Variants in SERPINA12 observed in about 807,000 individuals in gnomAD.
The protein encoded by SERPINA12 is serpin family A member 12, also known as serpin A12.
Under a neutral mutation model 25.9 loss-of-function variants are expected in SERPINA12, and 21 were observed. The observed-to-expected ratio is 0.81, with a 90% CI of 0.58 to 1.17. The LOEUF (loss-of-function observed/expected upper bound fraction) is 1.17, where lower values mean the gene tolerates loss of function less well. Ranked by LOEUF, SERPINA12 falls within the 50% of genes most tolerant of loss-of-function variation. The pLI is 0.00. For synonymous variants in SERPINA12, 220 were observed against 196.0 expected (o/e 1.12, Z -1.02); for missense variants, 562 against 508.3 (o/e 1.11, Z -1.02).
upstream of SERPINA12, chr14:94,510,399 TA>T (rs1204394709): frequency 1.1e-5 from 3 of 263,476 alleles, no homozygotes; most frequent in Non-Finnish European, 1.8e-5. Flanking sequence ...CACAATGAGA[TA>T]CCACCTTACT....
At chr14:94,489,175 G>A (rs1383628061) in intron 4 of SERPINA12, among the ~76,000 whole-genome samples, 8 of 143,718 alleles carry the variant, frequency 5.6e-5, no homozygotes, top group East Asian at 2.1e-4. Flanking sequence ...AAGAAAAAAA[G>A]AGAGAGAGAG....
At position 94,489,697 on chromosome 14, in the gene SERPINA12, T is replaced by A. The variant is rs1900074230; in HGVS notation, c.976A>T (p.Ile326Leu). 1.2e-6 allele frequency: 2 copies of A among 1,614,034 alleles called. No homozygotes were observed. Among genetic ancestry groups the A allele is most frequent in the African/African-American group, 1.3e-5 (1 of 74,932 alleles). ...TFDLKKTLSY[I>L]GVSKIFEEHG... is the part of the protein sequence containing the mutation. Reference sequence around the variant, plus strand: ...TCCTCAAAGATTTTGGAGACACCTATGTAGGAGAGAGTCTTCTTCAGGTCG... The same window carrying A: ...TCCTCAAAGATTTTGGAGACACCTAAGTAGGAGAGAGTCTTCTTCAGGTCG... Residue 326 changes from isoleucine to leucine, a missense_variant, in exon 4 of 5, where the codon ATA becomes TTA. Ile to Leu is a conservative substitution (Grantham distance 5). Coordinates refer to ENST00000677451, the MANE Select transcript of SERPINA12 (RefSeq NM_001382267.1).
chr14:94,503,662 G>T (rs903669808), intron 1 of SERPINA12, among the ~76,000 whole-genome samples: 4 of 152,362 alleles, frequency 2.6e-5, no homozygotes, highest in South Asian at 2.1e-4. Context: ...AGAGATTGTG[G>T]TTGCAGTGTG....
At position 94,487,482 on chromosome 14, in the gene SERPINA12, C is replaced by A; in HGVS notation, c.1066G>T (p.Ala356Ser). 1.9e-6 allele frequency: 3 copies of A among 1,612,164 alleles called. No individual in the cohort carries two copies. The highest frequency in any genetic ancestry group is 1.7e-4 in the Middle Eastern group (1 of 5,964). ...CCCCTCTCATCCATCTTCAGCTCAGCCTTGTGCACAGCCTACGGAAGCCAA... is the reference window on the plus strand; with the variant it reads ...CCCCTCTCATCCATCTTCAGCTCAGACTTGTGCACAGCCTACGGAAGCCAA... ...SLKVGEAVHK[A>S]ELKMDERGTE... The change falls in exon 5 of 5, where the codon GCT becomes TCT. Residue 356 changes from alanine to serine, a missense_variant. Coordinates refer to ENST00000677451, the MANE Select transcript of SERPINA12 (RefSeq NM_001382267.1).
intron 4 of SERPINA12, among the ~76,000 whole-genome samples, chr14:94,488,374 C>G (rs1045625172): frequency 1.3e-5 from 2 of 151,892 alleles, no homozygotes; most frequent in Non-Finnish European, 2.9e-5. Context: ...ATCCCCACCA[C>G]CCACTACTCC....
rs757255316 is a variant in SERPINA12 at position 94,498,386 on chromosome 14, T to A, written c.12A>T (p.Thr4=). 6 of 1,612,904 alleles carry A rather than the reference T, an allele frequency of 3.7e-6. No homozygotes were observed. Among genetic ancestry groups the A allele is most frequent in the Non-Finnish European group, 5.1e-6 (6 of 1,179,488 alleles). The part of the protein sequence containing the change: MNP[T]LGLAIFLAVL... ...CAGCCAGAAAAATGGCCAGGCCTAG[T>A]GTGGGGTTCATTTTCCTTGAAGAAT... Residue 4 remains threonine, a synonymous_variant, in exon 2 of 5, where the codon ACA becomes ACT. Coordinates refer to ENST00000677451, the MANE Select transcript of SERPINA12 (RefSeq NM_001382267.1).
rs1900423480 is a variant in SERPINA12, at chr14:94,496,445, C to A, written c.833G>T (p.Gly278Val). Reference sequence around the variant, plus strand: ...TCCCTTCTCCAAGTGCTTCAGCTTGCCCTCATCAGGAAGGATGAAGATGGC... The same window carrying A: ...TCCCTTCTCCAAGTGCTTCAGCTTGACCTCATCAGGAAGGATGAAGATGGC... ...ITAIFILPDEGKLKHLEKGLQ... is the reference protein window; with the variant it reads ...ITAIFILPDEVKLKHLEKGLQ... The change falls in exon 3 of 5, where the codon GGC (glycine) becomes GTC (valine). Residue 278 changes from glycine to valine, a missense_variant. Transcript: ENST00000677451. The A allele has an allele frequency of 6.2e-7, 1 of 1,613,974 alleles. No homozygotes were observed. Among genetic ancestry groups the A allele is most frequent in the African/African-American group, 1.3e-5 (1 of 74,912 alleles).
intron 1 of SERPINA12, among the ~76,000 whole-genome samples, chr14:94,503,604 A>G (rs1595697395): frequency 6.6e-6 from 1 of 152,308 alleles, no homozygotes; most frequent in Admixed American, 6.5e-5. Context: ...TGACTTCAGG[A>G]CTATCTGTGC....
rs144981671 is a variant in SERPINA12 at position 94,492,296 on chromosome 14, G to A, written c.906-2529C>T. Among the ~76,000 whole-genome samples, 28 of 152,252 alleles carry A rather than the reference G, an allele frequency of 1.8e-4. 1 individual carries two copies. The highest frequency in any genetic ancestry group is 6.7e-4 in the African/African-American group (28 of 41,528). On this transcript the variant is annotated intron_variant, in intron 3 of 4. Coordinates refer to ENST00000677451, the MANE Select transcript of SERPINA12 (RefSeq NM_001382267.1). ...CTGTGAACAGAGGCAACTGCTTCAT[G>A]GTATTCACCTGCAAAGGGGGAGTGA... is the stretch of plus-strand genomic sequence containing the variant.
At position 94,505,243 on chromosome 14, in the gene SERPINA12, G is replaced by T. The variant is rs1900890649; in HGVS notation, c.-34+4099C>A. 2.0e-5 allele frequency among the ~76,000 whole-genome samples: 3 copies of T among 152,176 alleles called. No individual in the cohort carries two copies. In the South Asian group the frequency reaches 6.2e-4, roughly 32 times the overall value. On this transcript the variant is annotated intron_variant, in intron 1 of 4. Coordinates refer to ENST00000677451, the MANE Select transcript of SERPINA12 (RefSeq NM_001382267.1). ...AGAGCTATTCAGAGCAGGTGACCCA[G>T]ACAAACCTTCTTGGAAAGAGGAGAC...
chr14:94,506,635 T>C lies in SERPINA12; in HGVS notation c.-34+2707A>G, dbSNP rs1900940159. ...TGACTTTGGGCTTCTGGTTCTTTAA[T>C]TGCAAAATGGGAATAACCTATTTCT... On this transcript the variant is annotated intron_variant, in intron 1 of 4. Transcript: ENST00000677451. 2.6e-5 allele frequency among the ~76,000 whole-genome samples: 4 copies of C among 152,364 alleles called. No individual in the cohort carries two copies. The South Asian group carries it at 6.2e-4, about 24-fold the overall frequency.
chr14:94,511,238 CACACACACACACACACATATATATAT>C, upstream of SERPINA12: 1 of 174,346 alleles, frequency 5.7e-6, no homozygotes, highest in Non-Finnish European at 1.1e-5. Flanking sequence ...ACCTCATGTA[CACACACACACACACACATATATATAT>C]ACACACACAC....
At chr14:94,511,073 T>TA (rs1322040701), upstream of SERPINA12, among the ~76,000 whole-genome samples, 1 of 152,138 alleles carries the variant, frequency 6.6e-6, no homozygotes, top group Non-Finnish European at 1.5e-5. Flanking sequence ...AAACCACCTG[T>TA]ACCCCAAAAA....
intron 3 of SERPINA12, 46 bp from the exon 4 acceptor site, chr14:94,489,813 T>C (rs964671291): frequency 1.9e-6 from 3 of 1,595,976 alleles, no homozygotes; most frequent in Non-Finnish European, 1.7e-6. Context: ...TCCTGTTGTG[T>C]TGCAGGGCAA....
In SERPINA12 at chr14:94,498,065, A is replaced by T; in HGVS notation, c.333T>A (p.Asp111Glu). Residue 111 changes from aspartate to glutamate, a missense_variant, in exon 2 of 5, where the codon GAT (aspartate) becomes GAA (glutamate). Asp to Glu is a conservative substitution (Grantham distance 45). Transcript: ENST00000677451. ...GFNFRKMPEK[D>E]LHEGFHYIIH... ...TGATGTAATGGAAGCCCTCATGAAG[A>T]TCTTTTTCTGGCATCTTTCTGAAGT... 1 of 1,614,094 alleles carries T rather than the reference A, an allele frequency of 6.2e-7. No homozygotes were observed. The highest frequency in any genetic ancestry group is 8.5e-7 in the Non-Finnish European group (1 of 1,180,018).
intron 1 of SERPINA12, among the ~76,000 whole-genome samples, chr14:94,499,368 C>T (rs991303554): frequency 2.0e-5 from 3 of 152,204 alleles, no homozygotes; most frequent in South Asian, 2.1e-4. Context: ...CCACTGTGAG[C>T]TTCTGGGAGA....
chr14:94,487,486 G>C lies in SERPINA12; in HGVS notation c.1062C>G (p.His354Gln), dbSNP rs146053420. ...TCTCATCCATCTTCAGCTCAGCCTT[G>C]TGCACAGCCTACGGAAGCCAAGGGC... ...HRSLKVGEAV[H>Q]KAELKMDERG... The change falls in exon 5 of 5, where the codon CAC (histidine) becomes CAG (glutamine). Residue 354 changes from histidine to glutamine, a missense_variant. Transcript: ENST00000677451. 6.4e-4 allele frequency: 1,033 copies of C among 1,611,252 alleles called. 1 individual carries two copies. The highest frequency in any genetic ancestry group is 5.4e-3 in the Middle Eastern group (32 of 5,938).
chr14:94,496,533 C>T lies in SERPINA12; in HGVS notation c.745G>A (p.Val249Ile), dbSNP rs1900430262. 2 of 1,613,910 alleles carry T rather than the reference C, an allele frequency of 1.2e-6. No homozygotes were observed. Among genetic ancestry groups the T allele is most frequent in the African/African-American group, 2.7e-5 (2 of 75,002 alleles). The change falls in exon 3 of 5, where the codon GTT (valine) becomes ATT (isoleucine). Residue 249 changes from valine (V) to isoleucine (I), a missense_variant. Physicochemically the swap from Val to Ile is conservative, Grantham distance 29. Transcript: ENST00000677451. ...CAAGAGAGCTTATCGTCATAGCCAA[C>T]TTGGTATATGCCACTACGGAACATC... ...PMMFRSGIYQ[V>I]GYDDKLSCTI... is the part of the protein sequence containing the mutation.
intron 1 of SERPINA12, 135 bp from the exon 2 acceptor site, chr14:94,498,565 T>A (rs1470647506): frequency 1.5e-6 from 1 of 684,736 alleles, no homozygotes; most frequent in East Asian, 2.7e-5. Context: ...GACCCCTTTA[T>A]AGCATTTAAA....
Sources: allele counts gnomAD v4.1 joint callset (sites outside exome capture counted in the v4.1 genomes callset), GRCh38; gene constraint gnomAD v4.1.1; transcripts MANE v1.5; gene names NCBI Gene and HGNC (gene_info 2026-07-23, HGNC 2026-07-21).